The following SNX29 variants were observed in gnomAD, a reference collection of about 807,000 sequenced individuals.
SNX29 encodes the protein sorting nexin 29.
SNX29 carries 78 observed loss-of-function variants against 102.1 expected under a neutral mutation model. The ratio of observed to expected loss-of-function variants is 0.76; its 90% CI spans 0.64 to 0.92. The LOEUF (loss-of-function observed/expected upper bound fraction) is 0.92. Ranked by LOEUF, SNX29 falls within the 40% of genes least tolerant of loss-of-function variation. The probability of loss-of-function intolerance (pLI) is 0.00; values close to 1 mark genes in which losing one functional copy is unlikely to be tolerated. For synonymous variants in SNX29, 580 were observed against 414.5 expected (o/e 1.40, Z -4.85); for missense variants, 1,280 against 1,061.7 (o/e 1.21, Z -2.86).
rs534309382 is a variant in SNX29 at position 12,291,021 on chromosome 16, C to T, written c.1782+12985C>T. Among the ~76,000 whole-genome samples the T allele has an allele frequency of 6.2e-4, 94 of 152,252 alleles. 1 individual carries two copies. The South Asian group carries it at 0.012, about 20-fold the overall frequency. On this transcript the variant is annotated intron_variant, in intron 15 of 20. Coordinates refer to ENST00000566228, the MANE Select transcript of SNX29 (RefSeq NM_032167.5). ...TTATTTACCACTGAGTCGAGCCTGT[C>T]GTGGTAATCTCGAGGAAGGTAATCC...
intron 14 of SNX29, among the ~76,000 whole-genome samples, chr16:12,263,302 A>G (rs1596675788): frequency 6.6e-6 from 1 of 151,926 alleles, no homozygotes; most frequent in Admixed American, 6.6e-5. Context: ...TAATTTTTAT[A>G]TTTTTAGTAG....
At chr16:12,154,847 G>C (rs978918236) in intron 13 of SNX29, among the ~76,000 whole-genome samples, 1 of 152,132 alleles carries the variant, frequency 6.6e-6, no homozygotes, top group Non-Finnish European at 1.5e-5. Context: ...CTCTTACAAA[G>C]GCACGAATCC....
At chr16:12,457,742 C>T (rs1435973968) in intron 18 of SNX29, among the ~76,000 whole-genome samples, 1 of 152,164 alleles carries the variant, frequency 6.6e-6, no homozygotes. Flanking sequence ...TCATCCCAGC[C>T]CCATCTTGTA....
At chr16:12,345,028 A>G (rs183465139) in intron 15 of SNX29, among the ~76,000 whole-genome samples, 1 of 152,348 alleles carries the variant, frequency 6.6e-6, no homozygotes, top group Admixed American at 6.5e-5. Flanking sequence ...CGTTTAAGGA[A>G]AGAGGCCTCT....
chr16:12,494,412 G>A (rs190299614), intron 19 of SNX29, among the ~76,000 whole-genome samples: 47 of 152,326 alleles, frequency 3.1e-4, no homozygotes, highest in Admixed American at 4.6e-4. Flanking sequence ...CTGAGAGACG[G>A]GCATGGCCTC....
chr16:12,548,707 T>C (rs1252595780), intron 20 of SNX29, among the ~76,000 whole-genome samples: 1 of 152,200 alleles, frequency 6.6e-6, no homozygotes, highest in Non-Finnish European at 1.5e-5. Context: ...GGCATTGTAC[T>C]GGTGTAGGAG....
rs538069235 is a variant in SNX29 at position 12,439,070 on chromosome 16, G to A, written c.2037+35541G>A. Among the ~76,000 whole-genome samples, 6 of 152,330 alleles carry A rather than the reference G, an allele frequency of 3.9e-5. 1 individual carries two copies. In the South Asian group the frequency reaches 1.2e-3, roughly 32 times the overall value. On this transcript the variant is annotated intron_variant, in intron 18 of 20. Transcript: ENST00000566228. ...GGCAGGGCTCAGAGCACGTGAGAAG[G>A]AAGGCTTCCCTTCCCCAGCCTCCCT...
intron 13 of SNX29, among the ~76,000 whole-genome samples, chr16:12,155,035 TG>T (rs2055480054): frequency 1.3e-5 from 2 of 152,154 alleles, no homozygotes; most frequent in African/African-American, 4.8e-5. Context: ...GAACAAGGCT[TG>T]GCTTCTCATT....
intron 11 of SNX29, among the ~76,000 whole-genome samples, chr16:12,093,006 T>C (rs1292758201): frequency 6.6e-6 from 1 of 152,126 alleles, no homozygotes; most frequent in African/African-American, 2.4e-5. Flanking sequence ...AGAATGGTAT[T>C]TGTGTGAGTG....
chr16:12,558,914 C>T (rs938094794), intron 20 of SNX29, among the ~76,000 whole-genome samples: 4 of 152,190 alleles, frequency 2.6e-5, no homozygotes, highest in Non-Finnish European at 5.9e-5. Flanking sequence ...AAAGCATTGT[C>T]TTGTTTAATC....
intron 14 of SNX29, among the ~76,000 whole-genome samples, chr16:12,236,617 C>T (rs776666910): frequency 1.3e-5 from 2 of 152,214 alleles, no homozygotes; most frequent in Admixed American, 6.5e-5. Flanking sequence ...ATGCTGACTG[C>T]TGTCACTACC....
At chr16:12,429,181 C>T (rs765155848) in intron 18 of SNX29, among the ~76,000 whole-genome samples, 1 of 152,188 alleles carries the variant, frequency 6.6e-6, no homozygotes, top group Non-Finnish European at 1.5e-5. Context: ...TAGTTAGTCC[C>T]ACCACACAGA....
At chr16:12,532,673 C>G (rs1204699066) in intron 20 of SNX29, among the ~76,000 whole-genome samples, 1 of 152,146 alleles carries the variant, frequency 6.6e-6, no homozygotes, top group African/African-American at 2.4e-5. Flanking sequence ...TATGGGGGAT[C>G]ACAGAGGTTA....
At chr16:12,537,387 C>T (rs1036076605) in intron 20 of SNX29, among the ~76,000 whole-genome samples, 1 of 152,210 alleles carries the variant, frequency 6.6e-6, no homozygotes, top group Non-Finnish European at 1.5e-5. Flanking sequence ...AAGAGCAAGA[C>T]TTTGAGCCAA....
At chr16:12,355,579 C>T (rs1333668243) in intron 15 of SNX29, among the ~76,000 whole-genome samples, 7 of 152,138 alleles carry the variant, frequency 4.6e-5, no homozygotes, top group Non-Finnish European at 7.3e-5. Context: ...AGGATTACAT[C>T]TCACATTTCT....
At chr16:11,981,540 G>A (rs2055414550) in intron 1 of SNX29, among the ~76,000 whole-genome samples, 1 of 152,044 alleles carries the variant, frequency 6.6e-6, no homozygotes, top group African/African-American at 2.4e-5. Flanking sequence ...TCCTTTGCAG[G>A]CCTCTGCTGA....
At chr16:12,192,344 C>A (rs1481835766) in intron 13 of SNX29, among the ~76,000 whole-genome samples, 2 of 152,178 alleles carry the variant, frequency 1.3e-5, no homozygotes, top group Admixed American at 1.3e-4. Flanking sequence ...GAATACTTGT[C>A]TCCATGTGCA....
intron 13 of SNX29, among the ~76,000 whole-genome samples, chr16:12,130,839 T>C (rs1017473555): frequency 7.2e-5 from 11 of 152,202 alleles, no homozygotes; most frequent in African/African-American, 2.7e-4. Flanking sequence ...TGCCCTCTGC[T>C]TTTTAAGAGC....
chr16:12,243,188 C>G (rs887490022), intron 14 of SNX29, among the ~76,000 whole-genome samples: 1 of 152,208 alleles, frequency 6.6e-6, no homozygotes, highest in Admixed American at 6.5e-5. Context: ...CACACCGATT[C>G]GTGCATGTAG....
Sources: gnomAD v4.1 joint callset for allele counts (sites outside exome capture counted in the v4.1 genomes callset) on GRCh38, gnomAD v4.1.1 for gene constraint, MANE v1.5 for transcripts, NCBI Gene and HGNC (gene_info 2026-07-23, HGNC 2026-07-21) for gene names.